NUDT16L1: variants seen among roughly 807,000 people sequenced by gnomAD.
The protein encoded by NUDT16L1 is tudor-interacting repair regulator protein.
A neutral mutation model predicts 17.3 loss-of-function variants in NUDT16L1; 19 were observed. That is an observed-to-expected ratio of 1.10 (90% confidence interval 0.77 to 1.61). The LOEUF is 1.61. Among genes scored for constraint, NUDT16L1 ranks in the 40% most tolerant of loss-of-function variants. NUDT16L1 has a pLI of 0.00. For synonymous variants in NUDT16L1, 255 were observed against 138.6 expected, an observed-to-expected ratio of 1.84 and a Z score of -5.90; for missense variants, 341 against 292.0, an observed-to-expected ratio of 1.17 and a Z score of -1.22.
At chr16:4,694,208 C>G in exon 2 of NUDT16L1, 4 of 1,542,906 alleles carry the variant, frequency 2.6e-6, no homozygotes, top group Non-Finnish European at 3.5e-6. Flanking sequence ...TGGAGATCAG[C>G]GCGGTGCACT....
exon 3 of NUDT16L1, chr16:4,695,780 C>T (rs941391389): frequency 3.0e-5 from 12 of 395,826 alleles, no homozygotes; most frequent in African/African-American, 8.2e-5. Flanking sequence ...GTCAGGGCCT[C>T]GGGGGCCCAG....
At chr16:4,693,928 G>C (rs1282582917) in intron 1 of NUDT16L1, 49 bp downstream of exon 1, 1 of 1,501,932 alleles carries the variant, frequency 6.7e-7, no homozygotes, top group South Asian at 1.3e-5. Context: ...GGGCGGGCCC[G>C]GGCGGGGGCG....
exon 3 of NUDT16L1, chr16:4,695,187 C>T (rs769338543): frequency 5.6e-6 from 9 of 1,610,540 alleles, no homozygotes; most frequent in Non-Finnish European, 7.6e-6. Flanking sequence ...TGAGGGCTGC[C>T]TGAGCTGGTG....
intron 1 of NUDT16L1, 28 bp downstream of exon 1, chr16:4,693,907 G>T (rs780500359): frequency 2.0e-6 from 3 of 1,484,830 alleles, no homozygotes; most frequent in African/African-American, 1.5e-5. Context: ...CGCGGGCGAG[G>T]GTGCCGGCGC....
At chr16:4,694,530 GGGA>G in intron 2 of NUDT16L1, 1 of 1,473,196 alleles carries the variant, frequency 6.8e-7, no homozygotes, top group Non-Finnish European at 8.9e-7. Context: ...GAAGGGATGG[GGGA>G]GGAGCGGGGA....
rs1046143984 is a variant in NUDT16L1 at position 4,693,739 on chromosome 16, G to A, written c.13G>A (p.Ala5Thr). The change falls in exon 1 of 3, where the codon GCG (alanine) becomes ACG (threonine). Residue 5 changes from alanine to threonine, a missense_variant. Physicochemically the swap from Ala to Thr is moderately conservative, Grantham distance 58. Coordinates refer to ENST00000304301, the Ensembl canonical transcript of NUDT16L1. ...GGTCAGTGCCAAGATGTCGACGGCG[G>A]CGGTTCCGGAGCTGAAGCAGATCAG... The A allele has an allele frequency of 3.2e-6, 5 of 1,540,898 alleles. No homozygotes were observed. In the African/African-American group the frequency reaches 4.3e-5, roughly 13 times the overall value.
At chr16:4,694,800 G>A in intron 2 of NUDT16L1, 158 bp from the exon 3 acceptor site, 1 of 1,444,562 alleles carries the variant, frequency 6.9e-7, no homozygotes, top group Non-Finnish European at 9.1e-7. Flanking sequence ...TGCTCCGAGG[G>A]AGCTGGCTGG....
At chr16:4,694,528 G>GGGGGAGGAGCGGGGATTGCTT in intron 2 of NUDT16L1, 1 of 1,479,712 alleles carries the variant, frequency 6.8e-7, no homozygotes, top group Non-Finnish European at 8.9e-7. Context: ...AGGAAGGGAT[G>GGGGGAGGAGCGGGGATTGCTT]GGGGAGGAGC....
At position 4,694,817 on chromosome 16, in the gene NUDT16L1, C is replaced by T. The variant is rs1385096259; in HGVS notation, c.415-141C>T. On this transcript the variant is annotated intron_variant, in intron 2 of 2. Transcript: ENST00000304301. ...CTCCGAGGGAGCTGGCTGGCTTCTG[C>T]CAGGCCCTGCGTGGGTCTCCCATTA... 2.8e-6 allele frequency: 4 copies of T among 1,448,762 alleles called. No individual in the cohort carries two copies. The African/African-American group carries it at 4.3e-5, about 16-fold the overall frequency. The allele number at this position is 1,448,762 out of a possible 1,614,324, so 89.7% of individuals were successfully genotyped here.
At chr16:4,694,404 G>A (rs2079487195) in intron 2 of NUDT16L1, 166 bp downstream of exon 2, 2 of 1,481,554 alleles carry the variant, frequency 1.3e-6, no homozygotes, top group Non-Finnish European at 1.8e-6. Context: ...TGGGAGGCCG[G>A]GAAAGGAGGG....
chr16:4,694,283 T>A, intron 2 of NUDT16L1, 45 bp downstream of exon 2: 1 of 1,474,870 alleles, frequency 6.8e-7, no homozygotes, highest in Non-Finnish European at 8.9e-7. Context: ...GGGGTTTGGC[T>A]CTGGCCCCGT....
exon 3 of NUDT16L1, chr16:4,695,129 A>G: frequency 1.2e-6 from 2 of 1,613,218 alleles, no homozygotes; most frequent in Non-Finnish European, 8.5e-7. Context: ...GGCTGCAGCC[A>G]CCGAGAAGCA....
chr16:4,695,305 T>A (rs1001898589), exon 3 of NUDT16L1: 1 of 929,804 alleles, frequency 1.1e-6, no homozygotes, highest in Non-Finnish European at 1.6e-6. Context: ...CATCCTGTCA[T>A]CATCTCCACT....
chr16:4,695,122 T>A (rs2079514392), exon 3 of NUDT16L1: 5 of 1,609,222 alleles, frequency 3.1e-6, no homozygotes, highest in Non-Finnish European at 4.2e-6. Context: ...AGGCCCTGGC[T>A]GCAGCCACCG....
At chr16:4,694,915 G>A in intron 2 of NUDT16L1, 43 bp from the exon 3 acceptor site, 3 of 1,565,896 alleles carry the variant, frequency 1.9e-6, no homozygotes, top group Non-Finnish European at 2.6e-6. Context: ...AGGTGCCATT[G>A]TGTGGCAGGC....
chr16:4,693,963 C>G lies in NUDT16L1; in HGVS notation c.154-15C>G. ...GTCCGTCGACCCCGCGGCTGTGACC[C>G]GCGCTCCCTTGCAGATGCAGATGCG... On this transcript the variant is annotated splice_polypyrimidine_tract_variant and intron_variant, in intron 1 of 2. Coordinates refer to ENST00000304301, the Ensembl canonical transcript of NUDT16L1. The G allele has an allele frequency of 6.5e-7, 1 of 1,546,918 alleles. No individual in the cohort carries two copies.
At chr16:4,694,877 C>T (rs2079505435) in intron 2 of NUDT16L1, 81 bp from the exon 3 acceptor site, 3 of 1,516,846 alleles carry the variant, frequency 2.0e-6, no homozygotes, top group African/African-American at 1.4e-5. Context: ...ATACCCTGGC[C>T]TCATAGCTTC....
exon 1 of NUDT16L1, chr16:4,693,748 G>A (rs767796207): frequency 4.5e-6 from 7 of 1,550,360 alleles, no homozygotes; most frequent in East Asian, 2.6e-5. Context: ...GGCGGTTCCG[G>A]AGCTGAAGCA....
chr16:4,693,920 G>GCGGGCC, intron 1 of NUDT16L1, 41 bp downstream of exon 1: 1 of 1,488,400 alleles, frequency 6.7e-7, no homozygotes, highest in Non-Finnish European at 8.8e-7. Context: ...GCCGGCGCGG[G>GCGGGCC]CGGGCCCGGG....
Sources: allele counts gnomAD v4.1 joint callset, GRCh38; gene constraint gnomAD v4.1.1; transcripts MANE v1.5; gene names NCBI Gene and HGNC (gene_info 2026-07-23, HGNC 2026-07-21).